Variants in C6orf118 observed in about 807,000 individuals in gnomAD.
C6orf118 encodes the protein uncharacterized protein C6orf118.
In C6orf118, 50 loss-of-function variants were observed where a neutral mutation model predicts 50.2. The observed-to-expected ratio is 1.00, with a 90% CI of 0.79 to 1.26. C6orf118 has a LOEUF of 1.26. Ranked by LOEUF, C6orf118 falls within the 50% of genes most tolerant of loss-of-function variation. The pLI, the probability that C6orf118 is intolerant of heterozygous loss-of-function variation, is 0.00. For synonymous variants in C6orf118, 239 were observed against 230.9 expected (o/e 1.03, Z -0.32); for missense variants, 641 against 578.7 (o/e 1.11, Z -1.10).
rs540753466 is a variant in C6orf118 at position 165,289,400 on chromosome 6, T to C, written c.1302+486A>G. ...ATATACTCTACAACTGGAGGTTACATTGAGTTATATTCTACACAATTTAAA... is the reference window on the plus strand; with the variant it reads ...ATATACTCTACAACTGGAGGTTACACTGAGTTATATTCTACACAATTTAAA... On this transcript the variant is annotated intron_variant, in intron 7 of 8. Coordinates refer to ENST00000230301, the MANE Select transcript of C6orf118 (RefSeq NM_144980.4). Among the ~76,000 whole-genome samples, 112 of 152,284 alleles carry C rather than the reference T, an allele frequency of 7.4e-4. 1 individual carries two copies. Among genetic ancestry groups the C allele is most frequent in the African/African-American group, 2.5e-3 (103 of 41,570 alleles).
chr6:165,297,895 T>C (rs1583018325), intron 5 of C6orf118, 82 bp downstream of exon 5: 1 of 1,586,256 alleles, frequency 6.3e-7, no homozygotes, highest in East Asian at 2.2e-5. Flanking sequence ...GAAATCAATG[T>C]AACCGTAGGC....
chr6:165,288,356 C>T (rs1374932766), intron 7 of C6orf118, among the ~76,000 whole-genome samples: 1 of 152,110 alleles, frequency 6.6e-6, no homozygotes, highest in African/African-American at 2.4e-5. Context: ...ATTCAACCAT[C>T]GTGGAAGACA....
At chr6:165,285,763 A>T (rs964078514) in intron 7 of C6orf118, among the ~76,000 whole-genome samples, 8 of 152,138 alleles carry the variant, frequency 5.3e-5, no homozygotes, top group African/African-American at 1.9e-4. Context: ...AATCTCTGGG[A>T]TGCAGCTGAA....
chr6:165,279,814 AAG>A lies in C6orf118; in HGVS notation c.*241_*242del. Reference sequence around the variant, plus strand: ...TCCAAAGTTGAACATTATTAAATGAAAGTAAAACATACGTTAAGAACTAGTAT... The same window carrying A: ...TCCAAAGTTGAACATTATTAAATGAATAAAACATACGTTAAGAACTAGTAT... On this transcript the variant is annotated 3_prime_UTR_variant, in exon 9 of 9. Transcript: ENST00000230301. 1 of 384,946 alleles carries A rather than the reference AAG, an allele frequency of 2.6e-6. No individual in the cohort carries two copies. Among genetic ancestry groups the A allele is most frequent in the Admixed American group, 4.5e-5 (1 of 22,202 alleles). 23.8% of individuals were successfully genotyped at this position (384,946 alleles called of 1,614,324 possible).
In C6orf118 at chr6:165,290,001, C is replaced by T. The variant is rs1362934174; in HGVS notation, c.1187G>A (p.Arg396Lys). ...ATCCCACTTACTGAGTATTTCACAC[C>T]TCTTCTTTTCAACCTTCTCAGTAAG... ...LTLTEKVEKK[R>K]CEILSKWDEI... The change falls in exon 7 of 9, where the codon AGG becomes AAG. Residue 396 changes from arginine to lysine, a missense_variant. Physicochemically the swap from Arg to Lys is conservative, Grantham distance 26. Transcript: ENST00000230301. The T allele has an allele frequency of 1.9e-6, 3 of 1,610,124 alleles. No individual in the cohort carries two copies. In the East Asian group the frequency reaches 6.7e-5, roughly 36 times the overall value.
At chr6:165,281,580 C>A in intron 8 of C6orf118, 60 bp downstream of exon 8, 1 of 1,472,512 alleles carries the variant, frequency 6.8e-7, no homozygotes, top group East Asian at 2.6e-5. Context: ...TTACACAGGA[C>A]AAGCAGTCAC....
intron 1 of C6orf118, 25 bp downstream of exon 1, chr6:165,309,537 G>A (rs1439421484): frequency 1.9e-6 from 3 of 1,613,960 alleles, no homozygotes; most frequent in Admixed American, 3.3e-5. Flanking sequence ...TCACAAGCCA[G>A]CAAGAGCCGC....
chr6:165,298,030 T>C lies in C6orf118; in HGVS notation c.1008A>G (p.Glu336=). The C allele has an allele frequency of 6.2e-7, 1 of 1,613,764 alleles. No homozygotes were observed. ...TGGCTGTCACGAGCATCCTCAGCTC[T>C]TCCCTGGCGAGATCCATGTCCGCCG... The part of the protein sequence containing the change: ...VKTADMDLAR[E]ELRMLVTATK... Residue 336 remains glutamate (E), a synonymous_variant, in exon 5 of 9, where the codon GAA becomes GAG. Coordinates refer to ENST00000230301, the MANE Select transcript of C6orf118 (RefSeq NM_144980.4).
Position 165,280,762 on chromosome 6 carries a change from A to C in C6orf118, c.1357-652T>G, listed in dbSNP as rs1254117090. On this transcript the variant is annotated intron_variant, in intron 8 of 8. Transcript: ENST00000230301. The stretch of plus-strand genomic sequence containing the variant: ...TTCTTAATCCATGGAATGCGGACCC[A>C]GTTAATGCCTGAAGGCAGCCATATT... 2.0e-5 allele frequency among the ~76,000 whole-genome samples: 3 copies of C among 152,206 alleles called. No individual in the cohort carries two copies. In the East Asian group the frequency reaches 5.8e-4, roughly 29 times the overall value.
At chr6:165,297,701 G>A (rs867533644) in intron 5 of C6orf118, among the ~76,000 whole-genome samples, 8 of 152,150 alleles carry the variant, frequency 5.3e-5, no homozygotes, top group African/African-American at 1.2e-4. Flanking sequence ...CAGCCCTCTC[G>A]CCTATCAGTC....
intron 7 of C6orf118, among the ~76,000 whole-genome samples, chr6:165,282,936 T>C (rs2128156546): frequency 6.6e-6 from 1 of 152,292 alleles, no homozygotes; most frequent in African/African-American, 2.4e-5. Context: ...TAGAACCCAT[T>C]ACTGTTTTAA....
At chr6:165,307,387 T>C (rs1312123368) in intron 1 of C6orf118, among the ~76,000 whole-genome samples, 1 of 150,664 alleles carries the variant, frequency 6.6e-6, no homozygotes, top group Non-Finnish European at 1.5e-5. Flanking sequence ...GGCAAAACCT[T>C]GTCTCTACAA....
intron 4 of C6orf118, among the ~76,000 whole-genome samples, chr6:165,298,635 C>T (rs1583019619): frequency 1.3e-5 from 2 of 152,144 alleles, no homozygotes; most frequent in Admixed American, 6.5e-5. Flanking sequence ...GAGATAGGGA[C>T]GTATGCCACT....
At chr6:165,300,562 T>C (rs1291653715) in intron 2 of C6orf118, 76 bp from the exon 3 acceptor site, 2 of 1,450,130 alleles carry the variant, frequency 1.4e-6, no homozygotes, top group South Asian at 1.3e-5. Flanking sequence ...CAGGAGTCAG[T>C]GAGGACACAG....
rs1365408232 is a variant in C6orf118 at position 165,280,123 on chromosome 6, A to G, written c.1357-13T>C. ...TTTCCAAAGGCCCCTTAAAATACAT[A>G]AGAAATGAATACCATAGGTTAGAAA... On this transcript the variant is annotated splice_polypyrimidine_tract_variant and intron_variant, in intron 8 of 8. Transcript: ENST00000230301. 11 of 1,569,506 alleles carry G rather than the reference A, an allele frequency of 7.0e-6. No individual in the cohort carries two copies. Among genetic ancestry groups the G allele is most frequent in the Non-Finnish European group, 9.6e-6 (11 of 1,147,092 alleles).
intron 3 of C6orf118, 146 bp from the exon 4 acceptor site, chr6:165,299,648 G>A (rs915175931): frequency 1.7e-5 from 10 of 602,984 alleles, no homozygotes; most frequent in African/African-American, 7.4e-5. Flanking sequence ...TGCATTAAAC[G>A]GTATACATGC....
At chr6:165,305,818 G>T (rs1780698864) in intron 1 of C6orf118, among the ~76,000 whole-genome samples, 1 of 104,610 alleles carries the variant, frequency 9.6e-6, no homozygotes, top group Non-Finnish European at 1.7e-5. Flanking sequence ...AAAAAGTCAG[G>T]AAATAACAGG....
intron 1 of C6orf118, among the ~76,000 whole-genome samples, chr6:165,307,212 C>T (rs1316429787): frequency 5.6e-4 from 27 of 48,128 alleles, no homozygotes; most frequent in African/African-American, 1.4e-3. Flanking sequence ...ATCCCCCCAC[C>T]CCCCCCACCC....
chr6:165,289,876 A>C lies in C6orf118; in HGVS notation c.1302+10T>G. 6.5e-7 allele frequency: 1 copy of C among 1,533,236 alleles called. No individual in the cohort carries two copies. Among genetic ancestry groups the C allele is most frequent in the Non-Finnish European group, 8.8e-7 (1 of 1,138,270 alleles). 95.0% of individuals were successfully genotyped at this position (1,533,236 alleles called of 1,614,324 possible). A position where few individuals can be genotyped will look rare whatever the true frequency, so the allele number is the denominator to read the frequency against. ...AATAATGTAAATATTTAAATAAATA[A>C]GTTGCGTACCTCTATGCTTTTAATC... On this transcript the variant is annotated intron_variant, in intron 7 of 8. Coordinates refer to ENST00000230301, the MANE Select transcript of C6orf118 (RefSeq NM_144980.4).
Sources: allele counts gnomAD v4.1 joint callset (sites outside exome capture counted in the v4.1 genomes callset), GRCh38; gene constraint gnomAD v4.1.1; transcripts MANE v1.5; gene names NCBI Gene and HGNC (gene_info 2026-07-23, HGNC 2026-07-21).